Variants in LRRC8E observed in about 807,000 individuals in gnomAD.
LRRC8E encodes volume-regulated anion channel subunit LRRC8E.
A neutral mutation model predicts 6.1 loss-of-function variants in LRRC8E; 6 were observed. The ratio of observed to expected loss-of-function variants is 0.98; its 90% CI spans 0.54 to 1.93. LRRC8E has a LOEUF of 1.93. Among genes scored for constraint, LRRC8E ranks in the 30% most tolerant of loss-of-function variants. The pLI, the probability that LRRC8E is intolerant of heterozygous loss-of-function variation, is 0.01. For synonymous variants in LRRC8E, 485 were observed against 472.8 expected (o/e 1.03, Z -0.33); for missense variants, 1,028 against 1,031.4 (o/e 1.00, Z 0.04).
rs1981946240 is a variant in LRRC8E, at chr19:7,900,630, A to T, written c.2108A>T (p.His703Leu). The T allele has an allele frequency of 2.5e-6, 4 of 1,613,346 alleles. No individual in the cohort carries two copies. The highest frequency in any genetic ancestry group is 3.4e-6 in the Non-Finnish European group (4 of 1,180,030). ...PEVGLLQNLQ[H>L]LALSYNALEA... The stretch of plus-strand genomic sequence containing the variant: ...GTGGGCCTCCTGCAGAACCTACAGC[A>T]CCTGGCCCTCTCCTACAATGCCCTG... The change falls in exon 3 of 3, where the codon CAC becomes CTC. Residue 703 changes from histidine to leucine, a missense_variant. Coordinates refer to ENST00000306708, the MANE Select transcript of LRRC8E (RefSeq NM_025061.6). This position sits in a 1 kb window ranked among gnomAD's most constrained non-coding sequence, Gnocchi z 5.0.
Position 7,900,104 on chromosome 19 carries a change from C to G in LRRC8E, c.1582C>G (p.Leu528Val), listed in dbSNP as rs920450216. Reference sequence around the variant, plus strand: ...CCAGGAGCTAGCTCGGGCAGCCACCCTGGAGAGCCTCCGGGAGCTGAAGCA... The same window carrying G: ...CCAGGAGCTAGCTCGGGCAGCCACCGTGGAGAGCCTCCGGGAGCTGAAGCA... ...FPQELARAAT[L>V]ESLRELKQLK... The change falls in exon 3 of 3, where the codon CTG (leucine) becomes GTG (valine). Residue 528 changes from leucine (L) to valine (V), a missense_variant. Leu to Val is a conservative substitution (Grantham distance 32, BLOSUM62 1). Coordinates refer to ENST00000306708, the MANE Select transcript of LRRC8E (RefSeq NM_025061.6). This position sits in a 1 kb window ranked among gnomAD's most constrained non-coding sequence, Gnocchi z 5.0. The G allele has an allele frequency of 1.2e-6, 2 of 1,612,690 alleles. No individual in the cohort carries two copies. Among genetic ancestry groups the G allele is most frequent in the Non-Finnish European group, 8.5e-7 (1 of 1,179,984 alleles).
intron 1 of LRRC8E, among the ~76,000 whole-genome samples, chr19:7,892,362 G>A (rs983959380): frequency 3.9e-5 from 6 of 152,032 alleles, no homozygotes; most frequent in African/African-American, 1.2e-4. Flanking sequence ...GTGAGCCACC[G>A]CACCCGGCCC....
At chr19:7,891,418 CG>C (rs1425233087) in intron 1 of LRRC8E, among the ~76,000 whole-genome samples, 1 of 152,092 alleles carries the variant, frequency 6.6e-6, no homozygotes, top group Non-Finnish European at 1.5e-5. Context: ...GGCTGCCCCC[CG>C]GTCCCCTGAG....
intron 1 of LRRC8E, among the ~76,000 whole-genome samples, chr19:7,888,962 A>G (rs1380417663): frequency 2.6e-5 from 4 of 152,204 alleles, no homozygotes; most frequent in Non-Finnish European, 5.9e-5. Context: ...AGAACCTACC[A>G]CTTGGGGTGG....
At chr19:7,889,099 C>T (rs1031777195) in intron 1 of LRRC8E, among the ~76,000 whole-genome samples, 4 of 152,116 alleles carry the variant, frequency 2.6e-5, no homozygotes, top group African/African-American at 7.2e-5. Context: ...TGACCCAGGA[C>T]GGGCTACAAA....
intron 1 of LRRC8E, among the ~76,000 whole-genome samples, chr19:7,891,172 G>T (rs1450991468): frequency 6.6e-6 from 1 of 152,176 alleles, no homozygotes; most frequent in Non-Finnish European, 1.5e-5. Flanking sequence ...CGACATCCAC[G>T]CTGCCTGGGT....
At chr19:7,897,489 T>G (rs1167063007) in intron 2 of LRRC8E, among the ~76,000 whole-genome samples, 6 of 150,596 alleles carry the variant, frequency 4.0e-5, no homozygotes, top group Admixed American at 2.7e-4. Context: ...AGACAGTTTT[T>G]TTTTTTTTTT....
Position 7,890,407 on chromosome 19 carries a change from T to C in LRRC8E, c.-6+1807T>C, listed in dbSNP as rs886091916. Among the ~76,000 whole-genome samples, 6 of 152,236 alleles carry C rather than the reference T, an allele frequency of 3.9e-5. No homozygotes were observed. In the East Asian group the frequency reaches 1.2e-3, roughly 30 times the overall value. ...TGGTTTTTTTGTTGTTGTTTGTTTT[T>C]TGAGATAGAGTCTTGCTCTGTTGCC... On this transcript the variant is annotated intron_variant, in intron 1 of 2. Transcript: ENST00000306708.
In LRRC8E at chr19:7,900,719, C is replaced by G. The variant is rs1429836569; in HGVS notation, c.2197C>G (p.Gln733Glu). Reference protein sequence around the residue: ...KLRTLLLGDNQLSQLSPHVGA... With the variant: ...KLRTLLLGDNELSQLSPHVGA... ...GCGGACGTTGCTTCTGGGCGACAAC[C>G]AGCTGAGCCAGCTCTCGCCCCACGT... The change falls in exon 3 of 3, where the codon CAG becomes GAG. Residue 733 changes from glutamine to glutamate, a missense_variant. Transcript: ENST00000306708. This position sits in a 1 kb window ranked among gnomAD's most constrained non-coding sequence, Gnocchi z 5.0. 6.2e-7 allele frequency: 1 copy of G among 1,613,082 alleles called. No individual in the cohort carries two copies.
In LRRC8E at chr19:7,899,403, C is replaced by T. The variant is rs1263190014; in HGVS notation, c.881C>T (p.Thr294Met). 6.2e-6 allele frequency: 10 copies of T among 1,614,030 alleles called. No homozygotes were observed. Among genetic ancestry groups the T allele is most frequent in the South Asian group, 3.3e-5 (3 of 91,086 alleles). ...VACRVETSEV[T>M]GYASFCCNHT... is the part of the protein sequence containing the mutation. ...TGTAGGGTGGAGACGTCAGAGGTCACGGGCTACGCCAGCTTCTGCTGCAAC... is the reference window on the plus strand; with the variant it reads ...TGTAGGGTGGAGACGTCAGAGGTCATGGGCTACGCCAGCTTCTGCTGCAAC... The change falls in exon 3 of 3, where the codon ACG (threonine) becomes ATG (methionine). Residue 294 changes from threonine to methionine, a missense_variant. By Grantham distance (81) the Thr-to-Met change is moderately conservative (BLOSUM62 -1). Coordinates refer to ENST00000306708, the MANE Select transcript of LRRC8E (RefSeq NM_025061.6).
In LRRC8E at chr19:7,898,656, C is replaced by T. The variant is rs1418606349; in HGVS notation, c.139-5C>T. 5 of 1,591,842 alleles carry T rather than the reference C, an allele frequency of 3.1e-6. No individual in the cohort carries two copies. The highest frequency in any genetic ancestry group is 3.4e-6 in the Non-Finnish European group (4 of 1,166,568). On this transcript the variant is annotated splice_polypyrimidine_tract_variant and splice_region_variant and intron_variant, in intron 2 of 2. Coordinates refer to ENST00000306708, the MANE Select transcript of LRRC8E (RefSeq NM_025061.6). ...TTACAGCCCTCATTCTCTTTTGCTC[C>T]TCAGGTGACACAGGACAAGATCATC...
chr19:7,896,364 A>C (rs1981593924), intron 2 of LRRC8E, among the ~76,000 whole-genome samples: 1 of 150,132 alleles, frequency 6.7e-6, no homozygotes, highest in South Asian at 2.1e-4. Flanking sequence ...ACTTAAGGCC[A>C]GAAGTTTGAG....
At position 7,895,803 on chromosome 19, in the gene LRRC8E, C is replaced by T. The variant is rs537638691; in HGVS notation, c.138+62C>T. The T allele has an allele frequency of 2.0e-5, 31 of 1,583,414 alleles. No homozygotes were observed. Among genetic ancestry groups the T allele is most frequent in the East Asian group, 1.4e-4 (6 of 44,240 alleles). On this transcript the variant is annotated intron_variant, in intron 2 of 2. Coordinates refer to ENST00000306708, the MANE Select transcript of LRRC8E (RefSeq NM_025061.6). This position sits in a 1 kb window ranked among gnomAD's most constrained non-coding sequence, Gnocchi z 4.7. The stretch of plus-strand genomic sequence containing the variant: ...GGGCGGGGCAGGTGTCTGGGGAAGT[C>T]GGGAAGCCTTCTCATCACCCAAGAA...
chr19:7,890,835 T>C lies in LRRC8E; in HGVS notation c.-6+2235T>C, dbSNP rs538217848. 1.2e-4 allele frequency among the ~76,000 whole-genome samples: 18 copies of C among 152,122 alleles called. No individual in the cohort carries two copies. In the East Asian group the frequency reaches 3.3e-3, roughly 28 times the overall value. On this transcript the variant is annotated intron_variant, in intron 1 of 2. Coordinates refer to ENST00000306708, the MANE Select transcript of LRRC8E (RefSeq NM_025061.6). ...GCTTCAGCTTCCCCATTAGCTGGGA[T>C]TATAGGTGCCCACCACCACTCCAGC...
At position 7,895,423 on chromosome 19, in the gene LRRC8E, G is replaced by A; in HGVS notation, c.-5-176G>A. The A allele has an allele frequency of 1.4e-6, 1 of 712,014 alleles. No homozygotes were observed. The highest frequency in any genetic ancestry group is 2.3e-6 in the Non-Finnish European group (1 of 428,412). 44.1% of individuals were successfully genotyped at this position (712,014 alleles called of 1,614,324 possible). On this transcript the variant is annotated intron_variant, in intron 1 of 2. Coordinates refer to ENST00000306708, the MANE Select transcript of LRRC8E (RefSeq NM_025061.6). This position sits in a 1 kb window ranked among gnomAD's most constrained non-coding sequence, Gnocchi z 4.7. ...CTGGGCAGGTGGTGACGTCTGCATG[G>A]AGGGTGACTAAGGCCAGGCTAAGAG...
At chr19:7,891,086 G>A (rs1981282707) in intron 1 of LRRC8E, among the ~76,000 whole-genome samples, 1 of 152,342 alleles carries the variant, frequency 6.6e-6, no homozygotes, top group South Asian at 2.1e-4. Flanking sequence ...GGATGGGTCA[G>A]GCTTCGAATG....
Position 7,900,357 on chromosome 19 carries a change from T to C in LRRC8E, c.1835T>C (p.Leu612Pro). 1.9e-6 allele frequency: 3 copies of C among 1,613,044 alleles called. No homozygotes were observed. The highest frequency in any genetic ancestry group is 2.5e-6 in the Non-Finnish European group (3 of 1,179,904). ...FSLGALQELDLKDNHLRSIEE... is the reference protein window; with the variant it reads ...FSLGALQELDPKDNHLRSIEE... ...CTGGGTGCGCTGCAGGAACTTGACC[T>C]CAAGGACAACCACCTGCGCTCCATC... Residue 612 changes from leucine to proline, a missense_variant, in exon 3 of 3, where the codon CTC becomes CCC. Transcript: ENST00000306708. This position sits in a 1 kb window ranked among gnomAD's most constrained non-coding sequence, Gnocchi z 5.0.
Position 7,894,697 on chromosome 19 carries a change from C to T in LRRC8E, c.-5-902C>T, listed in dbSNP as rs954574372. Among the ~76,000 whole-genome samples the T allele has an allele frequency of 1.3e-4, 20 of 152,188 alleles. 1 individual carries two copies. Among genetic ancestry groups the T allele is most frequent in the Admixed American group, 7.9e-4 (12 of 15,270 alleles). ...GAGTGACATCTCAGCTCATGCCCCA[C>T]GCCCCAGTGTGATTTGTGGCTGGCC... On this transcript the variant is annotated intron_variant, in intron 1 of 2. Coordinates refer to ENST00000306708, the MANE Select transcript of LRRC8E (RefSeq NM_025061.6).
intron 1 of LRRC8E, among the ~76,000 whole-genome samples, chr19:7,892,559 T>C (rs1486617123): frequency 6.6e-6 from 1 of 152,170 alleles, no homozygotes; most frequent in Non-Finnish European, 1.5e-5. Flanking sequence ...TGCAGGATCC[T>C]TGGAGGACTC....
Sources: allele counts gnomAD v4.1 joint callset (sites outside exome capture counted in the v4.1 genomes callset), GRCh38; gene constraint gnomAD v4.1.1; non-coding constraint Gnocchi (gnomAD v3.1); transcripts MANE v1.5; gene names NCBI Gene and HGNC (gene_info 2026-07-23, HGNC 2026-07-21).